Variants in PTPRR observed in about 807,000 individuals in gnomAD.
PTPRR encodes the protein receptor-type tyrosine-protein phosphatase R.
In PTPRR, 38 loss-of-function variants were observed where a neutral mutation model predicts 77.2. That is an observed-to-expected ratio of 0.49 (90% CI 0.38 to 0.65). The LOEUF is 0.65. Ranked by LOEUF, PTPRR falls within the 30% of genes least tolerant of loss-of-function variation. The pLI is 0.00. For synonymous variants in PTPRR, 299 were observed against 283.1 expected (o/e 1.06, Z -0.57); for missense variants, 744 against 799.2 (o/e 0.93, Z 0.83).
chr12:70,777,488 T>G (rs958883340), intron 2 of PTPRR, among the ~76,000 whole-genome samples: 7 of 152,180 alleles, frequency 4.6e-5, no homozygotes, highest in Admixed American at 3.3e-4. Context: ...TGAGAAAATA[T>G]GCCACTCTTC....
intron 10 of PTPRR, among the ~76,000 whole-genome samples, chr12:70,670,896 G>T (rs899797755): frequency 6.6e-6 from 1 of 151,876 alleles, no homozygotes; most frequent in Non-Finnish European, 1.5e-5. Flanking sequence ...CAACTTAACT[G>T]TTTTTTCAGC....
chr12:70,639,068 C>A lies in PTPRR; in HGVS notation c.*116G>T, dbSNP rs1025405668. On this transcript the variant is annotated 3_prime_UTR_variant, in exon 14 of 14. Coordinates refer to ENST00000283228, the MANE Select transcript of PTPRR (RefSeq NM_002849.4). ...CCAGTCTTCCACAATCCATGCCATA[C>A]ATGGGCTTCAGAGCTTCTCCTTCCT... The A allele has an allele frequency of 2.2e-5, 18 of 823,860 alleles. No individual in the cohort carries two copies. The highest frequency in any genetic ancestry group is 3.3e-5 in the Non-Finnish European group (17 of 508,574). 51.0% of individuals were successfully genotyped at this position (823,860 alleles called of 1,614,324 possible).
intron 10 of PTPRR, among the ~76,000 whole-genome samples, chr12:70,675,654 T>A (rs1309595291): frequency 6.6e-6 from 1 of 151,992 alleles, no homozygotes; most frequent in Non-Finnish European, 1.5e-5. Flanking sequence ...ATTTGAGTAC[T>A]TTTTTTCTGG....
intron 2 of PTPRR, among the ~76,000 whole-genome samples, chr12:70,855,605 G>A (rs942322020): frequency 6.6e-6 from 1 of 152,136 alleles, no homozygotes; most frequent in African/African-American, 2.4e-5. Flanking sequence ...CACAGAAACT[G>A]CCAACCTTGA....
chr12:70,852,729 C>G (rs1284663285), intron 2 of PTPRR, among the ~76,000 whole-genome samples: 1 of 152,212 alleles, frequency 6.6e-6, no homozygotes, highest in Non-Finnish European at 1.5e-5. Context: ...TTGTAACAAA[C>G]TAGCAGTGTG....
At chr12:70,657,408 A>G (rs933518047) in intron 12 of PTPRR, among the ~76,000 whole-genome samples, 1 of 152,242 alleles carries the variant, frequency 6.6e-6, no homozygotes. Flanking sequence ...AGAGATTTGT[A>G]TAGACATGAT....
At chr12:70,898,434 C>A (rs1031389981) in intron 1 of PTPRR, among the ~76,000 whole-genome samples, 1 of 149,728 alleles carries the variant, frequency 6.7e-6, no homozygotes, top group Non-Finnish European at 1.5e-5. Flanking sequence ...TTTTTCTTTT[C>A]ATCATCATTT....
At chr12:70,780,011 A>G (rs1284764458) in intron 2 of PTPRR, among the ~76,000 whole-genome samples, 1 of 147,138 alleles carries the variant, frequency 6.8e-6, no homozygotes, top group African/African-American at 2.5e-5. Flanking sequence ...TTTTTTTTTT[A>G]AGACAGAGTC....
chr12:70,739,381 G>A (rs572074950), intron 6 of PTPRR, among the ~76,000 whole-genome samples: 14 of 152,264 alleles, frequency 9.2e-5, no homozygotes, highest in South Asian at 2.1e-4. Context: ...TTAATCCGTT[G>A]AGCCACTTAT....
At chr12:70,760,468 G>C (rs992419812) in intron 4 of PTPRR, among the ~76,000 whole-genome samples, 2 of 152,168 alleles carry the variant, frequency 1.3e-5, no homozygotes, top group Non-Finnish European at 2.9e-5. Flanking sequence ...GTGATTTACT[G>C]TAAAGGTGAA....
intron 2 of PTPRR, among the ~76,000 whole-genome samples, chr12:70,857,481 G>A (rs1565720174): frequency 6.6e-6 from 1 of 152,154 alleles, no homozygotes; most frequent in Non-Finnish European, 1.5e-5. Flanking sequence ...CTTTCAAGGT[G>A]CCTGACTTTG....
At chr12:70,699,850 CT>C (rs1454295712) in intron 7 of PTPRR, among the ~76,000 whole-genome samples, 15 of 152,148 alleles carry the variant, frequency 9.9e-5, no homozygotes, top group African/African-American at 3.6e-4. Context: ...CCCCTTCTTC[CT>C]TCTCACCTTC....
At chr12:70,802,134 A>G (rs1891627741) in intron 2 of PTPRR, among the ~76,000 whole-genome samples, 1 of 152,240 alleles carries the variant, frequency 6.6e-6, no homozygotes, top group African/African-American at 2.4e-5. Flanking sequence ...GATAGCAAAG[A>G]AAAAATGTTA....
intron 3 of PTPRR, among the ~76,000 whole-genome samples, chr12:70,764,170 T>C (rs977153584): frequency 2.0e-5 from 3 of 152,138 alleles, no homozygotes; most frequent in Admixed American, 2.0e-4. Context: ...TCAATGTCCA[T>C]TGTTCTACTG....
Position 70,798,542 on chromosome 12 carries a change from C to G in PTPRR, c.358-33764G>C, listed in dbSNP as rs73345159. 2.4e-3 allele frequency among the ~76,000 whole-genome samples: 372 copies of G among 152,336 alleles called. 2 individuals are homozygous for G. The highest frequency in any genetic ancestry group is 8.6e-3 in the African/African-American group (357 of 41,576). ...GCCCTGCATATCTAAGTCTCTGGCT[C>G]ACTTCACTGGCCTTGTCTTTCTTTC... On this transcript the variant is annotated intron_variant, in intron 2 of 13. Coordinates refer to ENST00000283228, the MANE Select transcript of PTPRR (RefSeq NM_002849.4).
At chr12:70,694,300 ATTATC>A (rs1888155033) in intron 8 of PTPRR, among the ~76,000 whole-genome samples, 1 of 152,216 alleles carries the variant, frequency 6.6e-6, no homozygotes. Context: ...GTGTATCTAT[ATTATC>A]TTATATTTGT....
chr12:70,786,505 T>G (rs1338023309), intron 2 of PTPRR, among the ~76,000 whole-genome samples: 5 of 152,324 alleles, frequency 3.3e-5, no homozygotes, highest in Middle Eastern at 3.4e-3. Context: ...ACCTTTTATG[T>G]GCTTATATTC....
chr12:70,892,610 C>CT (rs1893356669), intron 2 of PTPRR, 69 bp downstream of exon 2: 2 of 1,546,686 alleles, frequency 1.3e-6, no homozygotes, highest in Non-Finnish European at 1.8e-6. Context: ...CAGTGTTTTT[C>CT]TTTTTTCAAG....
At chr12:70,884,335 A>G (rs1565729821) in intron 2 of PTPRR, among the ~76,000 whole-genome samples, 1 of 152,180 alleles carries the variant, frequency 6.6e-6, no homozygotes, top group Non-Finnish European at 1.5e-5. Flanking sequence ...GTAACAAGAT[A>G]GTAAGCATGA....
Sources: allele counts gnomAD v4.1 joint callset (sites outside exome capture counted in the v4.1 genomes callset), GRCh38; gene constraint gnomAD v4.1.1; transcripts MANE v1.5; gene names NCBI Gene and HGNC (gene_info 2026-07-23, HGNC 2026-07-21).